The following LIN54 variants were observed in gnomAD, a reference collection of about 807,000 sequenced individuals.
LIN54 encodes the protein lin-54 DREAM MuvB core complex component.
Under a neutral mutation model 78.7 loss-of-function variants are expected in LIN54, and 9 were observed. That is an observed-to-expected ratio of 0.11 (90% CI 0.07 to 0.20). The LOEUF (loss-of-function observed/expected upper bound fraction) is 0.20, where lower values mean the gene tolerates loss of function less well. Among genes scored for constraint, LIN54 ranks in the 10% least tolerant of loss-of-function variants. The probability of loss-of-function intolerance (pLI) is 1.00; values close to 1 mark genes in which losing one functional copy is unlikely to be tolerated. For missense variants in LIN54, 573 were observed against 889.9 expected, an observed-to-expected ratio of 0.64 and a Z score of 4.53; for synonymous variants, 269 against 318.4, an observed-to-expected ratio of 0.84 and a Z score of 1.65.
At chr4:82,990,311 G>C (rs1727555377) in intron 1 of LIN54, among the ~76,000 whole-genome samples, 1 of 152,196 alleles carries the variant, frequency 6.6e-6, no homozygotes, top group African/African-American at 2.4e-5. Flanking sequence ...TCATGTGTCA[G>C]AGACAAAAGG....
intron 3 of LIN54, among the ~76,000 whole-genome samples, chr4:82,977,426 T>A (rs1422374399): frequency 1.3e-5 from 2 of 152,184 alleles, no homozygotes; most frequent in African/African-American, 2.4e-5. Flanking sequence ...CAGCTTCCTA[T>A]ACTGTCACAA....
chr4:82,942,913 C>T (rs1198112297), intron 5 of LIN54, among the ~76,000 whole-genome samples: 3 of 149,782 alleles, frequency 2.0e-5, no homozygotes, highest in Non-Finnish European at 3.0e-5. Flanking sequence ...CTCCCTGGCC[C>T]GGTAAAGAAA....
chr4:83,010,668 G>T lies in LIN54; in HGVS notation c.-217C>A. The stretch of plus-strand genomic sequence containing the variant: ...TACCCGGGGACCGAGAAGGGAGCCG[G>T]GGTGGCGACGTCGCCGTCGCCGCCG... On this transcript the variant is annotated 5_prime_UTR_variant, in exon 1 of 13. Transcript: ENST00000340417. 1 of 1,231,580 alleles carries T rather than the reference G, an allele frequency of 8.1e-7. No homozygotes were observed. The highest frequency in any genetic ancestry group is 4.1e-5 in the South Asian group (1 of 24,322). 76.3% of individuals were successfully genotyped at this position (1,231,580 alleles called of 1,614,324 possible).
chr4:82,943,087 G>C (rs751926158), intron 5 of LIN54, among the ~76,000 whole-genome samples: 6 of 152,058 alleles, frequency 3.9e-5, no homozygotes, highest in Non-Finnish European at 7.4e-5. Context: ...TGCATTTCTT[G>C]TCCTCCTTAC....
chr4:82,986,769 C>G (rs1394696453), intron 1 of LIN54, among the ~76,000 whole-genome samples: 1 of 143,690 alleles, frequency 7.0e-6, no homozygotes, highest in Non-Finnish European at 1.5e-5. Flanking sequence ...TAGCAAATTA[C>G]AACTATTAGC....
rs568355397 is a variant in LIN54, at chr4:82,984,253, T to A, written c.592A>T (p.Ile198Phe). 1 of 1,614,198 alleles carries A rather than the reference T, an allele frequency of 6.2e-7. No individual in the cohort carries two copies. Among genetic ancestry groups the A allele is most frequent in the East Asian group, 2.2e-5 (1 of 44,876 alleles). ...CCTGGGGTCAATGCTGAGACACCAA[T>A]GACAGGTTTCACCTCTGGCCTCCCT... Reference protein sequence around the residue: ...IGGRPEVKPVIGVSALTPGSQ... With the variant: ...IGGRPEVKPVFGVSALTPGSQ... The change falls in exon 2 of 13, where the codon ATT becomes TTT. Residue 198 changes from isoleucine to phenylalanine, a missense_variant. Ile to Phe is a conservative substitution (Grantham distance 21). This residue lies in a region of LIN54 where 3 missense variants were observed against 19.8 expected (regional missense o/e 0.15). Transcript: ENST00000340417.
chr4:82,994,958 T>A (rs910308858), intron 1 of LIN54, among the ~76,000 whole-genome samples: 16 of 152,080 alleles, frequency 1.1e-4, no homozygotes, highest in African/African-American at 1.7e-4. Flanking sequence ...GGAGTGGGAC[T>A]CTCCCTTTGA....
chr4:82,981,835 C>G (rs1234741681), intron 2 of LIN54, among the ~76,000 whole-genome samples: 1 of 151,894 alleles, frequency 6.6e-6, no homozygotes, highest in Non-Finnish European at 1.5e-5. Flanking sequence ...AGTTTGAGAC[C>G]AGCCTGGGCT....
At chr4:82,981,969 G>C (rs1481259296) in intron 2 of LIN54, among the ~76,000 whole-genome samples, 3 of 152,130 alleles carry the variant, frequency 2.0e-5, no homozygotes, top group African/African-American at 7.2e-5. Flanking sequence ...GGGGGGTCAA[G>C]GCTGCAGTGG....
At chr4:82,993,420 G>C (rs1165377014) in intron 1 of LIN54, among the ~76,000 whole-genome samples, 1 of 151,532 alleles carries the variant, frequency 6.6e-6, no homozygotes, top group East Asian at 1.9e-4. Context: ...GTTTCTCCAT[G>C]TTGGTCAAGC....
At chr4:82,954,098 T>G (rs746030988) in intron 4 of LIN54, among the ~76,000 whole-genome samples, 3 of 152,058 alleles carry the variant, frequency 2.0e-5, no homozygotes, top group Non-Finnish European at 4.4e-5. Context: ...TCAAAATAGA[T>G]AAATATTGGA....
At chr4:82,988,877 ATT>A (rs1277055164) in intron 1 of LIN54, among the ~76,000 whole-genome samples, 1 of 151,424 alleles carries the variant, frequency 6.6e-6, no homozygotes, top group Admixed American at 6.6e-5. Flanking sequence ...TTCCTGTTAA[ATT>A]TTTTTTTCTT....
rs115904130 is a variant in LIN54, at chr4:82,930,890, C to A, written c.2048+53G>T. 1.9e-3 allele frequency: 2,932 copies of A among 1,551,016 alleles called. 46 individuals are homozygous for A. In the African/African-American group the frequency reaches 0.029, roughly 15 times the overall value. On this transcript the variant is annotated intron_variant, in intron 12 of 12. Transcript: ENST00000340417. Reference sequence around the variant, plus strand: ...CTCAACTTTGCCCCCTGAAAAGAAACTTTACCAAAAGTATTTGGGAAGTAC... The same window carrying A: ...CTCAACTTTGCCCCCTGAAAAGAAAATTTACCAAAAGTATTTGGGAAGTAC...
chr4:83,002,318 C>T lies in LIN54; in HGVS notation c.-33+8166G>A, dbSNP rs188829912. ...TGGGAGACTGAGGCATGAGGATCGCCTAAGCCCAGGTGGAGTTCAAGACCA... is the reference window on the plus strand; with the variant it reads ...TGGGAGACTGAGGCATGAGGATCGCTTAAGCCCAGGTGGAGTTCAAGACCA... On this transcript the variant is annotated intron_variant, in intron 1 of 12. Coordinates refer to ENST00000340417, the MANE Select transcript of LIN54 (RefSeq NM_194282.4). Among the ~76,000 whole-genome samples the T allele has an allele frequency of 6.9e-3, 1,050 of 151,130 alleles. 9 individuals carry two copies. Among genetic ancestry groups the T allele is most frequent in the African/African-American group, 0.024 (968 of 41,132 alleles).
At chr4:83,012,335 A>G (rs1187034236), upstream of LIN54, among the ~76,000 whole-genome samples, 5 of 152,134 alleles carry the variant, frequency 3.3e-5, no homozygotes, top group South Asian at 6.2e-4. Context: ...GAGCCTGTAC[A>G]AAGGGGCATA....
intron 1 of LIN54, among the ~76,000 whole-genome samples, chr4:83,001,895 G>A (rs1224824690): frequency 0.04 from 21 of 526 alleles, 1 homozygote; most frequent in Admixed American, 0.067. Flanking sequence ...AGGAAGGAAG[G>A]AGGGAGGGAG....
chr4:82,931,335 C>A (rs543313689), intron 11 of LIN54, among the ~76,000 whole-genome samples, 190 bp from the exon 12 acceptor site: 18 of 152,332 alleles, frequency 1.2e-4, no homozygotes, highest in Non-Finnish European at 2.4e-4. Flanking sequence ...TTAAGTCTGA[C>A]AGTGGCTGTA....
chr4:82,931,023 T>C lies in LIN54; in HGVS notation c.1968A>G (p.Thr656=), dbSNP rs776274887. The change falls in exon 12 of 13, where the codon ACA becomes ACG. Residue 656 remains threonine (T), a synonymous_variant. Transcript: ENST00000340417. ...GAGAGGATAACTTCGTCTTGGCTGC[T>C]GTTTGTTGCTGTACCCTTACTTCAG... ...DAAEVRVQQQ[T]AAKTKLSSQI... The C allele has an allele frequency of 6.2e-7, 1 of 1,614,236 alleles. No individual in the cohort carries two copies. The highest frequency in any genetic ancestry group is 8.5e-7 in the Non-Finnish European group (1 of 1,180,034).
intron 2 of LIN54, among the ~76,000 whole-genome samples, chr4:82,980,052 C>T (rs1578598434): frequency 6.6e-6 from 1 of 150,622 alleles, no homozygotes; most frequent in African/African-American, 2.4e-5. Flanking sequence ...GCTACAGCAA[C>T]TGTTTATTAT....
Sources: gnomAD v4.1 joint callset for allele counts (sites outside exome capture counted in the v4.1 genomes callset) on GRCh38, gnomAD v4.1.1 for gene constraint, gnomAD v4.1.1 regional missense constraint, MANE v1.5 for transcripts, NCBI Gene and HGNC (gene_info 2026-07-23, HGNC 2026-07-21) for gene names.